CPHXL: variants seen among roughly 807,000 people sequenced by gnomAD.
CPHXL encodes the protein cytoplasmic polyadenylated homeobox-like protein.
intron 1 of CPHXL, among the ~76,000 whole-genome samples, chr16:75,721,483 A>G (rs1332653935): frequency 2.0e-5 from 3 of 152,228 alleles, no homozygotes; most frequent in African/African-American, 7.2e-5. Context: ...CTTTAAACCA[A>G]CAAAGATCAA....
chr16:75,715,963 G>T lies in CPHXL; in HGVS notation c.220-741C>A, dbSNP rs190154252. 3.9e-5 allele frequency among the ~76,000 whole-genome samples: 6 copies of T among 152,210 alleles called. No homozygotes were observed. The East Asian group carries it at 1.2e-3, about 29-fold the overall frequency. On this transcript the variant is annotated intron_variant, in intron 2 of 2. Transcript: ENST00000640559. Reference sequence around the variant, plus strand: ...TCTGCCCGCCTCAGCCTCCCAAAGTGCTGGGATTACAGGCATGAGCCACCA... The same window carrying T: ...TCTGCCCGCCTCAGCCTCCCAAAGTTCTGGGATTACAGGCATGAGCCACCA...
intron 1 of CPHXL, among the ~76,000 whole-genome samples, chr16:75,721,322 G>C (rs1317077314): frequency 4.6e-5 from 7 of 152,142 alleles, no homozygotes. Flanking sequence ...TGGATAAAGA[G>C]TCAAGACCCA....
chr16:75,722,745 C>A (rs567847075), intron 1 of CPHXL, among the ~76,000 whole-genome samples: 2 of 152,212 alleles, frequency 1.3e-5, no homozygotes, highest in Non-Finnish European at 2.9e-5. Flanking sequence ...CTCCCTAACT[C>A]ATTTTATGAG....
At chr16:75,723,834 C>G (rs1241285396) in intron 1 of CPHXL, among the ~76,000 whole-genome samples, 1 of 152,186 alleles carries the variant, frequency 6.6e-6, no homozygotes, top group East Asian at 1.9e-4. Context: ...AGGCATCATG[C>G]TACCTGACTT....
intron 1 of CPHXL, among the ~76,000 whole-genome samples, chr16:75,719,061 T>C (rs1959435107): frequency 6.6e-6 from 1 of 151,974 alleles, no homozygotes; most frequent in Admixed American, 6.5e-5. Context: ...TTAGTTAAAT[T>C]AAACATGTAT....
chr16:75,717,928 T>C (rs1158096137), intron 2 of CPHXL, among the ~76,000 whole-genome samples: 1 of 152,186 alleles, frequency 6.6e-6, no homozygotes, highest in African/African-American at 2.4e-5. Context: ...TGCCCTTTAA[T>C]TTTATATGGA....
intron 2 of CPHXL, among the ~76,000 whole-genome samples, chr16:75,716,673 A>C (rs1441373079): frequency 2.6e-5 from 4 of 152,032 alleles, no homozygotes; most frequent in African/African-American, 9.7e-5. Context: ...ATGATTGATT[A>C]AGCCATTGGC....
chr16:75,722,104 A>C (rs538383283), intron 1 of CPHXL, among the ~76,000 whole-genome samples: 4 of 152,368 alleles, frequency 2.6e-5, no homozygotes, highest in African/African-American at 9.6e-5. Context: ...CATTCAAAGC[A>C]GTGTGTAGAG....
intron 1 of CPHXL, among the ~76,000 whole-genome samples, chr16:75,724,953 T>G (rs1033097718): frequency 3.3e-5 from 5 of 152,144 alleles, no homozygotes; most frequent in Admixed American, 6.5e-5. Context: ...CCATAAAAAA[T>G]GATGAGTTCA....
intron 1 of CPHXL, among the ~76,000 whole-genome samples, chr16:75,724,776 T>C (rs1331889381): frequency 1.3e-5 from 2 of 152,196 alleles, no homozygotes; most frequent in Non-Finnish European, 2.9e-5. Flanking sequence ...CATTACTGGG[T>C]ATATACCCAA....
intron 2 of CPHXL, among the ~76,000 whole-genome samples, chr16:75,715,817 C>A (rs1024790275): frequency 6.6e-6 from 1 of 152,100 alleles, no homozygotes; most frequent in Non-Finnish European, 1.5e-5. Context: ...CTACCTCAGC[C>A]TCCCGAGTAG....
chr16:75,717,343 T>G (rs1959407102), intron 2 of CPHXL, among the ~76,000 whole-genome samples: 1 of 152,256 alleles, frequency 6.6e-6, no homozygotes, highest in Non-Finnish European at 1.5e-5. Context: ...GCTTAATTCT[T>G]TACATTTTTC....
intron 2 of CPHXL, among the ~76,000 whole-genome samples, chr16:75,716,767 G>A (rs1247746376): frequency 6.6e-6 from 1 of 152,110 alleles, no homozygotes; most frequent in African/African-American, 2.4e-5. Context: ...TTCTAATCCT[G>A]CCTGGATCTT....
intron 2 of CPHXL, among the ~76,000 whole-genome samples, chr16:75,715,775 C>A (rs1161744789): frequency 1.3e-5 from 2 of 152,002 alleles, no homozygotes; most frequent in Admixed American, 6.6e-5. Context: ...CAGCTCACTG[C>A]AACCTCCGCC....
At chr16:75,720,755 C>A (rs993387107) in intron 1 of CPHXL, among the ~76,000 whole-genome samples, 1 of 151,554 alleles carries the variant, frequency 6.6e-6, no homozygotes. Context: ...ACAGAGAACA[C>A]CACAAAGATA....
chr16:75,725,858 G>A (rs907552555), intron 1 of CPHXL, among the ~76,000 whole-genome samples: 2 of 134,784 alleles, frequency 1.5e-5, no homozygotes, highest in Middle Eastern at 4.3e-3. Flanking sequence ...TGGCCTCCTT[G>A]TTTTATTATT....
intron 1 of CPHXL, among the ~76,000 whole-genome samples, chr16:75,723,240 G>A (rs1430871240): frequency 6.6e-6 from 1 of 152,184 alleles, no homozygotes; most frequent in Non-Finnish European, 1.5e-5. Context: ...AGTGTTGGAA[G>A]TTCTGGCCAG....
At chr16:75,725,747 C>T (rs1398104728) in intron 1 of CPHXL, among the ~76,000 whole-genome samples, 3 of 120,116 alleles carry the variant, frequency 2.5e-5, no homozygotes, top group Admixed American at 1.1e-4. Flanking sequence ...CCACCGTGCC[C>T]GGCGTCTTTT....
At chr16:75,716,599 A>G (rs180714358) in intron 2 of CPHXL, among the ~76,000 whole-genome samples, 1 of 152,322 alleles carries the variant, frequency 6.6e-6, no homozygotes, top group African/African-American at 2.4e-5. Flanking sequence ...CACACGTTCA[A>G]GTATCTGGAC....
Sources: gnomAD v4.1 joint callset for allele counts (sites outside exome capture counted in the v4.1 genomes callset) on GRCh38, gnomAD v4.1.1 for gene constraint, MANE v1.5 for transcripts, NCBI Gene and HGNC (gene_info 2026-07-23, HGNC 2026-07-21) for gene names.